NEBL: variants seen among roughly 807,000 people sequenced by gnomAD.
NEBL encodes LIM and SH3 protein 2.
Under a neutral mutation model 140.2 loss-of-function variants are expected in NEBL, and 122 were observed. That is an observed-to-expected ratio of 0.87 (90% confidence interval 0.75 to 1.01). The LOEUF (loss-of-function observed/expected upper bound fraction) is 1.01. Ranked by LOEUF, NEBL falls within the 50% of genes least tolerant of loss-of-function variation. The pLI, the probability that NEBL is intolerant of heterozygous loss-of-function variation, is 0.00. For synonymous variants in NEBL, 436 were observed against 398.9 expected, an observed-to-expected ratio of 1.09 and a Z score of -1.11; for missense variants, 1,365 against 1,231.3, an observed-to-expected ratio of 1.11 and a Z score of -1.62.
At chr10:21,073,278 G>T (rs1835900309) in intron 2 of NEBL, among the ~76,000 whole-genome samples, 1 of 150,820 alleles carries the variant, frequency 6.6e-6, no homozygotes, top group Non-Finnish European at 1.5e-5. Context: ...AGCCATGATT[G>T]CACCACTGCA....
rs774221912 is a variant in NEBL, at chr10:20,819,477, T to C, written c.2002A>G (p.Ser668Gly). The C allele has an allele frequency of 1.7e-5, 28 of 1,613,946 alleles. No individual in the cohort carries two copies. The highest frequency in any genetic ancestry group is 2.1e-5 in the Non-Finnish European group (25 of 1,179,942). The change falls in exon 20 of 28, where the codon AGC becomes GGC. Residue 668 changes from serine (S) to glycine (G), a missense_variant. Physicochemically the swap from Ser to Gly is moderately conservative, Grantham distance 56. Coordinates refer to ENST00000377122, the MANE Select transcript of NEBL (RefSeq NM_006393.3). The part of the protein sequence containing the change: ...KEQNYKATPV[S>G]MTPEIERVRR... ...ACTCTCTCTATCTCCGGGGTCATGC[T>C]TACCGGAGTGGCCTTGTAGTTTTGC... is the stretch of plus-strand genomic sequence containing the variant.
intron 26 of NEBL, among the ~76,000 whole-genome samples, chr10:20,807,960 C>T (rs996140237): frequency 6.0e-5 from 9 of 149,280 alleles, no homozygotes; most frequent in African/African-American, 2.2e-4. Flanking sequence ...AGATTATTAA[C>T]AATCAATAGT....
At chr10:20,975,285 T>A (rs1215646214) in intron 3 of NEBL, among the ~76,000 whole-genome samples, 1 of 152,132 alleles carries the variant, frequency 6.6e-6, no homozygotes, top group Non-Finnish European at 1.5e-5. Context: ...CAGTTTGAGG[T>A]TGACATGGAT....
intron 4 of NEBL, among the ~76,000 whole-genome samples, chr10:20,938,256 T>C (rs1416797442): frequency 6.6e-6 from 1 of 152,130 alleles, no homozygotes; most frequent in African/African-American, 2.4e-5. Flanking sequence ...AGAGGAACGA[T>C]CAAGCAGCAA....
rs1232320123 is a variant in NEBL at position 20,785,385 on chromosome 10, A to C, written c.*362T>G. ...AAGAGAATTGGCTTGGGGTGATTCC[A>C]AAGTGACAGCTAAGAAGTTTCAAAC... On this transcript the variant is annotated 3_prime_UTR_variant, in exon 28 of 28. Transcript: ENST00000377122. 1.3e-5 allele frequency: 4 copies of C among 302,120 alleles called. No individual in the cohort carries two copies. The allele number at this position is 302,120 out of a possible 1,614,324, so 18.7% of individuals were successfully genotyped here.
In NEBL at chr10:20,812,811, G is replaced by A; in HGVS notation, c.2476C>T (p.Pro826Ser). The change falls in exon 24 of 28, where the codon CCT (proline) becomes TCT (serine). Residue 826 changes from proline (P) to serine (S), a missense_variant. Around this residue, in one of 2 missense-constraint regions of NEBL, gnomAD observed 1,323 missense variants for 1,154.8 expected, o/e 1.15. Transcript: ENST00000377122. ...CTCCTGTCCATCTCCACGATGTGAGGGTGGACCCCTTTATAGGCAGCATCG... is the reference window on the plus strand; with the variant it reads ...CTCCTGTCCATCTCCACGATGTGAGAGTGGACCCCTTTATAGGCAGCATCG... The part of the protein sequence containing the change: ...VSDAAYKGVH[P>S]HIVEMDRRPG... 1 of 1,613,906 alleles carries A rather than the reference G, an allele frequency of 6.2e-7. No individual in the cohort carries two copies. Among genetic ancestry groups the A allele is most frequent in the Non-Finnish European group, 8.5e-7 (1 of 1,179,938 alleles).
At chr10:21,134,533 CT>C (rs1343872291) in intron 2 of NEBL, among the ~76,000 whole-genome samples, 2 of 152,168 alleles carry the variant, frequency 1.3e-5, no homozygotes, top group African/African-American at 4.8e-5. Context: ...TTATAAGCAA[CT>C]TTAAGTCTTC....
chr10:21,164,174 A>T (rs1840666949), intron 2 of NEBL, among the ~76,000 whole-genome samples: 2 of 152,244 alleles, frequency 1.3e-5, no homozygotes, highest in Admixed American at 6.5e-5. Context: ...CATAAATATT[A>T]TTCTAGATTC....
intron 2 of NEBL, among the ~76,000 whole-genome samples, chr10:21,105,268 T>G (rs958669053): frequency 3.9e-5 from 6 of 152,130 alleles, no homozygotes; most frequent in Non-Finnish European, 7.4e-5. Flanking sequence ...TGTGCCATGT[T>G]TGTTGGCTTG....
At chr10:21,008,413 T>C (rs1053320913) in intron 3 of NEBL, among the ~76,000 whole-genome samples, 3 of 152,176 alleles carry the variant, frequency 2.0e-5, no homozygotes, top group Non-Finnish European at 4.4e-5. Context: ...ATTGTTGTGG[T>C]TTTTTATTTT....
At chr10:20,907,285 A>G (rs1848133721) in intron 4 of NEBL, among the ~76,000 whole-genome samples, 1 of 152,148 alleles carries the variant, frequency 6.6e-6, no homozygotes, top group Non-Finnish European at 1.5e-5. Context: ...TTAAGGGTTT[A>G]AATTTTTATT....
At chr10:20,809,346 T>G (rs543956336) in intron 25 of NEBL, among the ~76,000 whole-genome samples, 1 of 152,350 alleles carries the variant, frequency 6.6e-6, no homozygotes, top group South Asian at 2.1e-4. Context: ...TCATTTTACA[T>G]TATATAAAAT....
intron 3 of NEBL, among the ~76,000 whole-genome samples, chr10:21,004,483 G>A (rs1165240438): frequency 6.6e-6 from 1 of 152,124 alleles, no homozygotes; most frequent in Non-Finnish European, 1.5e-5. Flanking sequence ...TACTTTCGGA[G>A]GCCGAGGCGG....
chr10:21,054,790 C>T (rs996163002), intron 2 of NEBL, among the ~76,000 whole-genome samples: 2 of 152,052 alleles, frequency 1.3e-5, no homozygotes, highest in African/African-American at 4.8e-5. Context: ...AAATGTATGA[C>T]TTGGCACTTA....
chr10:21,105,763 C>T (rs1002421404), intron 2 of NEBL, among the ~76,000 whole-genome samples: 1 of 152,212 alleles, frequency 6.6e-6, no homozygotes, highest in Non-Finnish European at 1.5e-5. Context: ...AATCGCCACA[C>T]TGTTTTCCAC....
At chr10:20,998,694 A>G (rs16921366) in intron 3 of NEBL, among the ~76,000 whole-genome samples, 4,987 of 152,294 alleles carry the variant, frequency 0.033, 238 homozygotes, top group African/African-American at 0.11. Context: ...CAGCAATAAT[A>G]CTATCCAATC....
intron 2 of NEBL, among the ~76,000 whole-genome samples, chr10:21,063,973 G>A (rs1033939723): frequency 3.3e-5 from 5 of 152,052 alleles, no homozygotes; most frequent in African/African-American, 1.2e-4. Flanking sequence ...CAGGAAGGCT[G>A]AGGAAGGAGG....
intron 13 of NEBL, among the ~76,000 whole-genome samples, chr10:20,838,136 T>C (rs1249795898): frequency 6.6e-6 from 1 of 152,228 alleles, no homozygotes; most frequent in Non-Finnish European, 1.5e-5. Context: ...GGGCTATACC[T>C]GTCATAGATG....
intron 3 of NEBL, among the ~76,000 whole-genome samples, chr10:20,966,579 G>A (rs1836327729): frequency 6.6e-6 from 1 of 152,220 alleles, no homozygotes; most frequent in Non-Finnish European, 1.5e-5. Flanking sequence ...GTGACAGTTT[G>A]TGTTTGAAGT....
Sources: allele counts gnomAD v4.1 joint callset (sites outside exome capture counted in the v4.1 genomes callset), GRCh38; gene constraint gnomAD v4.1.1; regional missense constraint gnomAD v4.1.1; transcripts MANE v1.5; gene names NCBI Gene and HGNC (gene_info 2026-07-23, HGNC 2026-07-21).